Variants in CALM2 observed in about 807,000 individuals in gnomAD.
The protein encoded by CALM2 is calmodulin-2.
Under a neutral mutation model 19.8 loss-of-function variants are expected in CALM2, and 2 were observed. That is an observed-to-expected ratio of 0.10 (90% CI 0.04 to 0.32). The LOEUF (loss-of-function observed/expected upper bound fraction) is 0.32. Ranked by LOEUF, CALM2 falls within the 10% of genes least tolerant of loss-of-function variation. CALM2 has a pLI of 1.00. For synonymous variants in CALM2, 51 were observed against 52.1 expected (o/e 0.98, Z 0.09); for missense variants, 38 against 178.7 (o/e 0.21, Z 4.49).
Position 47,169,075 on chromosome 2 carries a change from A to G in CALM2, c.34+1659T>C, listed in dbSNP as rs1238464246. Among the ~76,000 whole-genome samples, 4 of 152,118 alleles carry G rather than the reference A, an allele frequency of 2.6e-5. No individual in the cohort carries two copies. In the East Asian group the frequency reaches 7.8e-4, roughly 30 times the overall value. On this transcript the variant is annotated intron_variant, in intron 2 of 5. Coordinates refer to ENST00000272298, the MANE Select transcript of CALM2 (RefSeq NM_001743.6). The stretch of plus-strand genomic sequence containing the variant: ...AGGCGTGAGCCACTGCGCCCGGCCA[A>G]CAAACTTTCTTTTCAAAGAGTTGTT...
At chr2:47,164,220 A>G (rs1357318814) in intron 2 of CALM2, among the ~76,000 whole-genome samples, 1 of 147,776 alleles carries the variant, frequency 6.8e-6, no homozygotes, top group Admixed American at 6.8e-5. Context: ...CCTGGGCGAC[A>G]GAGCGAGACT....
upstream of CALM2, chr2:47,176,878 C>T (rs1666893337): frequency 1.0e-6 from 1 of 985,418 alleles, no homozygotes; most frequent in Non-Finnish European, 1.2e-6. Flanking sequence ...CTCGCAGCCG[C>T]CGCCGGGACG....
At chr2:47,169,963 T>A (rs200997395) in intron 2 of CALM2, among the ~76,000 whole-genome samples, 83 of 145,042 alleles carry the variant, frequency 5.7e-4, no homozygotes, top group Non-Finnish European at 7.1e-4. Flanking sequence ...AACACTACAA[T>A]AAAAAAAAAA....
At chr2:47,164,488 T>A (rs1261215778) in intron 2 of CALM2, among the ~76,000 whole-genome samples, 2 of 151,096 alleles carry the variant, frequency 1.3e-5, no homozygotes, top group African/African-American at 2.4e-5. Flanking sequence ...TCCCAGCTAC[T>A]GGGGAGGCTG....
intron 1 of CALM2, chr2:47,172,529 T>G (rs962432050): frequency 8.5e-7 from 1 of 1,170,866 alleles, no homozygotes. Context: ...AATATCAACC[T>G]GACTAGCTCA....
intron 1 of CALM2, among the ~76,000 whole-genome samples, chr2:47,174,450 C>G (rs1482864211): frequency 6.6e-6 from 1 of 152,022 alleles, no homozygotes; most frequent in Non-Finnish European, 1.5e-5. Flanking sequence ...AATGTAAAAT[C>G]TCAGTCCTCT....
intron 2 of CALM2, among the ~76,000 whole-genome samples, chr2:47,164,912 A>G (rs1666414649): frequency 3.9e-5 from 6 of 152,130 alleles, no homozygotes; most frequent in Admixed American, 3.9e-4. Flanking sequence ...TTCATTCCGT[A>G]TTACCTCTTC....
rs765277820 is a variant in CALM2, at chr2:47,176,454, C to T, written c.-11G>A. The T allele has an allele frequency of 2.3e-5, 37 of 1,613,690 alleles. No homozygotes were observed. Among genetic ancestry groups the T allele is most frequent in the Non-Finnish European group, 3.1e-5 (36 of 1,180,012 alleles). On this transcript the variant is annotated 5_prime_UTR_variant, in exon 1 of 6. Coordinates refer to ENST00000272298, the MANE Select transcript of CALM2 (RefSeq NM_001743.6). The stretch of plus-strand genomic sequence containing the variant: ...CGATGCACTCACCATGCTGCAAGCG[C>T]TACCGGTTTCCGAGACGCGACCACA...
chr2:47,168,398 C>T (rs1222376399), intron 2 of CALM2, among the ~76,000 whole-genome samples: 1 of 152,108 alleles, frequency 6.6e-6, no homozygotes, highest in African/African-American at 2.4e-5. Context: ...ATAAAGAGAA[C>T]AGGTCCTGAA....
At chr2:47,176,223 G>C (rs906275959) in intron 1 of CALM2, 10 of 569,578 alleles carry the variant, frequency 1.8e-5, no homozygotes, top group Non-Finnish European at 3.1e-5. Flanking sequence ...TGTGCGTCCG[G>C]CCCTCAACTC....
At chr2:47,162,181 AAAAAAAAAAAAAAAAAAAAC>A in intron 4 of CALM2, 85 bp downstream of exon 4, 2 of 408,632 alleles carry the variant, frequency 4.9e-6, no homozygotes, top group Non-Finnish European at 8.5e-6. Context: ...CAAAAAAAAA[AAAAAAAAAAAAAAAAAAAAC>A]AACCAAAAAA....
chr2:47,170,979 A>G (rs1396382497), intron 1 of CALM2: 2 of 509,606 alleles, frequency 3.9e-6, no homozygotes, highest in East Asian at 6.1e-5. Flanking sequence ...ATACTTCAGA[A>G]TATTTTTGAA....
At chr2:47,176,691 G>A (rs1033273730), upstream of CALM2, 55 of 1,417,502 alleles carry the variant, frequency 3.9e-5, no homozygotes, top group Admixed American at 8.1e-5. Flanking sequence ...AGGAAAGTGG[G>A]CGAACGGATG....
intron 2 of CALM2, among the ~76,000 whole-genome samples, chr2:47,168,240 G>A (rs11125126): frequency 0.63 from 96,211 of 151,972 alleles, 33,357 homozygotes; most frequent in East Asian, 0.85. Flanking sequence ...AAACCTGGAG[G>A]TCCAAGGAAT....
rs374968950 is a variant in CALM2 at position 47,161,716 on chromosome 2, C to T, written c.421+7G>A. 1 of 1,606,982 alleles carries T rather than the reference C, an allele frequency of 6.2e-7. No homozygotes were observed. Among genetic ancestry groups the T allele is most frequent in the African/African-American group, 1.3e-5 (1 of 74,516 alleles). On this transcript the variant is annotated splice_region_variant and intron_variant, in intron 5 of 5. Coordinates refer to ENST00000272298, the MANE Select transcript of CALM2 (RefSeq NM_001743.6). ...TGAAGAATGAGGCGTGAGACTGAAA[C>T]ATTTACCTTCATAGTTTACTTGACC... is the stretch of plus-strand genomic sequence containing the variant.
At chr2:47,164,908 C>A (rs1369970681) in intron 2 of CALM2, among the ~76,000 whole-genome samples, 1 of 152,208 alleles carries the variant, frequency 6.6e-6, no homozygotes, top group Non-Finnish European at 1.5e-5. Flanking sequence ...CAGTTTCATT[C>A]CGTATTACCT....
intron 1 of CALM2, among the ~76,000 whole-genome samples, chr2:47,175,098 T>TTTTTTTTTTTTC (rs34858572): frequency 2.0e-5 from 2 of 97,692 alleles, no homozygotes; most frequent in African/African-American, 1.8e-4. Context: ...TTTTTTTTTT[T>TTTTTTTTTTTTC]CAGGAAAGAA....
intron 2 of CALM2, among the ~76,000 whole-genome samples, chr2:47,170,202 C>T (rs1314713305): frequency 6.6e-6 from 1 of 152,150 alleles, no homozygotes; most frequent in Non-Finnish European, 1.5e-5. Context: ...GAGAAAAATC[C>T]ACATTGCTAC....
intron 1 of CALM2, chr2:47,172,431 C>T (rs1573229303): frequency 1.2e-6 from 1 of 863,224 alleles, no homozygotes; most frequent in South Asian, 1.4e-5. Context: ...GGTTGTTGTG[C>T]AAAGTGAGAT....
Sources: gnomAD v4.1 joint callset for allele counts (sites outside exome capture counted in the v4.1 genomes callset) on GRCh38, gnomAD v4.1.1 for gene constraint, MANE v1.5 for transcripts, NCBI Gene and HGNC (gene_info 2026-07-23, HGNC 2026-07-21) for gene names.